VPS53: variants seen among roughly 807,000 people sequenced by gnomAD.
The protein encoded by VPS53 is vacuolar protein sorting-associated protein 53 homolog.
In VPS53, 70 loss-of-function variants were observed where a neutral mutation model predicts 107.0. The observed-to-expected ratio is 0.65, with a 90% confidence interval of 0.54 to 0.80. VPS53 has a LOEUF of 0.80. Among genes scored for constraint, VPS53 ranks in the 30% least tolerant of loss-of-function variants. VPS53 has a pLI of 0.00. For missense variants in VPS53, 917 were observed against 1,049.4 expected (o/e 0.87, Z 1.74); for synonymous variants, 409 against 393.3 (o/e 1.04, Z -0.47).
chr17:659,118 T>C (rs573338277), intron 5 of VPS53, among the ~76,000 whole-genome samples: 35 of 151,256 alleles, frequency 2.3e-4, no homozygotes, highest in African/African-American at 8.5e-4. Flanking sequence ...AATAAATAAA[T>C]CAGGAGTGGT....
intron 4 of VPS53, among the ~76,000 whole-genome samples, chr17:665,218 T>G (rs1971631153): frequency 6.6e-6 from 1 of 152,170 alleles, no homozygotes; most frequent in Non-Finnish European, 1.5e-5. Context: ...TGCACACACT[T>G]TCTTGCCTTC....
rs774269828 is a variant in VPS53 at position 659,526 on chromosome 17, C to A, written c.372+2283G>T. On this transcript the variant is annotated intron_variant, in intron 5 of 21. Transcript: ENST00000437048. ...GAACTCCTGGCCTCAAGTGATCCCC[C>A]CTCCTTGGCCTCCCAAACTGCTGGG... is the stretch of plus-strand genomic sequence containing the variant. 2.6e-5 allele frequency among the ~76,000 whole-genome samples: 4 copies of A among 152,280 alleles called. No individual in the cohort carries two copies. In the South Asian group the frequency reaches 6.2e-4, roughly 24 times the overall value.
Position 580,712 on chromosome 17 carries a change from A to G in VPS53, c.1313+5558T>C, listed in dbSNP as rs1966970078. On this transcript the variant is annotated intron_variant, in intron 13 of 21. Transcript: ENST00000437048. Reference sequence around the variant, plus strand: ...GCGTTCCCAGAGATCCTCCCTCAGAATCTAATGCGTTCGCAGAGAAATTCC... The same window carrying G: ...GCGTTCCCAGAGATCCTCCCTCAGAGTCTAATGCGTTCGCAGAGAAATTCC... Among the ~76,000 whole-genome samples, 3 of 151,676 alleles carry G rather than the reference A, an allele frequency of 2.0e-5. No homozygotes were observed. The South Asian group carries it at 6.3e-4, about 32-fold the overall frequency.
chr17:636,133 C>G (rs1292750487), intron 7 of VPS53, among the ~76,000 whole-genome samples: 1 of 152,006 alleles, frequency 6.6e-6, no homozygotes, highest in Non-Finnish European at 1.5e-5. Context: ...AGTTGGATTC[C>G]TAGGATTCCC....
intron 7 of VPS53, among the ~76,000 whole-genome samples, chr17:635,804 G>C (rs1970174619): frequency 6.6e-6 from 1 of 152,188 alleles, no homozygotes; most frequent in Non-Finnish European, 1.5e-5. Context: ...CTATAGCCTT[G>C]TAGTATAGTT....
intron 13 of VPS53, among the ~76,000 whole-genome samples, chr17:581,262 G>A (rs974760400): frequency 2.1e-5 from 3 of 142,308 alleles, no homozygotes; most frequent in African/African-American, 5.3e-5. Context: ...ATCTCAATTC[G>A]TTTCCAGAGA....
intron 8 of VPS53, among the ~76,000 whole-genome samples, chr17:630,016 G>A (rs897938999): frequency 1.3e-5 from 2 of 152,012 alleles, no homozygotes; most frequent in Non-Finnish European, 2.9e-5. Context: ...ATGAGTGGCT[G>A]GGCATGGTGG....
intron 18 of VPS53, among the ~76,000 whole-genome samples, chr17:533,237 A>G (rs1909739911): frequency 6.6e-6 from 1 of 152,202 alleles, no homozygotes; most frequent in Non-Finnish European, 1.5e-5. Context: ...TAGCCCAATC[A>G]GACTGGATGT....
chr17:628,139 A>C lies in VPS53; in HGVS notation c.780T>G (p.Phe260Leu). 2 of 1,613,992 alleles carry C rather than the reference A, an allele frequency of 1.2e-6. No individual in the cohort carries two copies. Among genetic ancestry groups the C allele is most frequent in the South Asian group, 2.2e-5 (2 of 91,032 alleles). Reference sequence around the variant, plus strand: ...GATACTCTGACAGATGCTGTTTAATAAACTTTTTGATGATTTCCTGTTTGA... The same window carrying C: ...GATACTCTGACAGATGCTGTTTAATCAACTTTTTGATGATTTCCTGTTTGA... ...PRIKQEIIKKFIKQHLSEYLV... is the reference protein window; with the variant it reads ...PRIKQEIIKKLIKQHLSEYLV... The change falls in exon 9 of 22, where the codon TTT becomes TTG. Residue 260 changes from phenylalanine (F) to leucine (L), a missense_variant. Phe to Leu is a conservative substitution (Grantham distance 22). Coordinates refer to ENST00000437048, the MANE Select transcript of VPS53 (RefSeq NM_001128159.3).
At position 680,036 on chromosome 17, in the gene VPS53, G is replaced by A. The variant is rs187998258; in HGVS notation, c.285+17382C>T. Among the ~76,000 whole-genome samples, 787 of 152,320 alleles carry A rather than the reference G, an allele frequency of 5.2e-3. 4 individuals carry two copies. The highest frequency in any genetic ancestry group is 0.018 in the African/African-American group (747 of 41,562). Reference sequence around the variant, plus strand: ...TGGCTGGGCGCGGTGGCTCACGCCTGTAATCCCAGCACTTTGGGAGGCCGA... The same window carrying A: ...TGGCTGGGCGCGGTGGCTCACGCCTATAATCCCAGCACTTTGGGAGGCCGA... On this transcript the variant is annotated intron_variant, in intron 4 of 21. Coordinates refer to ENST00000437048, the MANE Select transcript of VPS53 (RefSeq NM_001128159.3).
At chr17:662,132 A>G (rs1446646189) in intron 4 of VPS53, among the ~76,000 whole-genome samples, 1 of 152,198 alleles carries the variant, frequency 6.6e-6, no homozygotes, top group Non-Finnish European at 1.5e-5. Context: ...TTAAAACTAA[A>G]TGATTCCCCT....
rs770941934 is a variant in VPS53, at chr17:655,851, C to T, written c.475G>A (p.Val159Ile). 6.2e-7 allele frequency: 1 copy of T among 1,613,312 alleles called. No individual in the cohort carries two copies. The highest frequency in any genetic ancestry group is 1.7e-5 in the Admixed American group (1 of 59,834). Residue 159 changes from valine (V) to isoleucine (I), a missense_variant, in exon 6 of 22, where the codon GTC becomes ATC. Physicochemically the swap from Val to Ile is conservative, Grantham distance 29. Coordinates refer to ENST00000437048, the MANE Select transcript of VPS53 (RefSeq NM_001128159.3). The part of the protein sequence containing the change: ...LNHLHMLAGG[V>I]DSLEAMTRRR... ...GGCATTGCTTACTCGAGGGAGTCGA[C>T]ACCTCCTGCCAGCATGTGCAGGTGG...
rs536875473 is a variant in VPS53 at position 666,836 on chromosome 17, T to C, written c.286-4941A>G. Among the ~76,000 whole-genome samples the C allele has an allele frequency of 1.5e-4, 22 of 151,420 alleles. No individual in the cohort carries two copies. The South Asian group carries it at 4.0e-3, about 27-fold the overall frequency. On this transcript the variant is annotated intron_variant, in intron 4 of 21. Transcript: ENST00000437048. ...CAGGAGGCTGAGGTAGGAGAATTGC[T>C]TGAACCCAGGAAACGGAAGCTGCAG...
chr17:656,094 T>A, intron 5 of VPS53, 141 bp from the exon 6 acceptor site: 1 of 620,404 alleles, frequency 1.6e-6, no homozygotes, highest in Admixed American at 3.2e-5. Context: ...CAATACAAAA[T>A]AAAAATAATT....
At chr17:665,025 T>C (rs1479751994) in intron 4 of VPS53, among the ~76,000 whole-genome samples, 3 of 152,172 alleles carry the variant, frequency 2.0e-5, no homozygotes, top group African/African-American at 7.2e-5. Flanking sequence ...GCCTGTGCTA[T>C]GGCTGGAATG....
intron 4 of VPS53, among the ~76,000 whole-genome samples, chr17:691,834 A>G (rs1972786474): frequency 6.6e-6 from 1 of 152,140 alleles, no homozygotes; most frequent in Admixed American, 6.6e-5. Flanking sequence ...TTTTATTTTT[A>G]GTTATTGTGG....
chr17:537,283 T>A lies in VPS53; in HGVS notation c.1867-107A>T, dbSNP rs1433374719. On this transcript the variant is annotated intron_variant, in intron 17 of 21. Coordinates refer to ENST00000437048, the MANE Select transcript of VPS53 (RefSeq NM_001128159.3). ...TGGAAGTCAGGTCACAGCTTTGGTA[T>A]CCCAGGAATCAGGCCCTTTTGTCCT... 7 of 1,306,524 alleles carry A rather than the reference T, an allele frequency of 5.4e-6. No individual in the cohort carries two copies. The Admixed American group carries it at 1.6e-4, about 31-fold the overall frequency. 80.9% of individuals were successfully genotyped at this position (1,306,524 alleles called of 1,614,324 possible).
intron 11 of VPS53, among the ~76,000 whole-genome samples, chr17:613,107 C>G (rs1163495403): frequency 6.7e-6 from 1 of 149,014 alleles, no homozygotes; most frequent in Non-Finnish European, 1.5e-5. Context: ...AAAACCTGTA[C>G]AGATATTCAC....
intron 11 of VPS53, 90 bp downstream of exon 11, chr17:623,443 C>T (rs1969555620): frequency 6.8e-7 from 1 of 1,470,524 alleles, no homozygotes; most frequent in African/African-American, 1.4e-5. Flanking sequence ...GCACCGAAGC[C>T]AATGGATAGA....
Sources: allele counts gnomAD v4.1 joint callset (sites outside exome capture counted in the v4.1 genomes callset), GRCh38; gene constraint gnomAD v4.1.1; transcripts MANE v1.5; gene names NCBI Gene and HGNC (gene_info 2026-07-23, HGNC 2026-07-21).